Variants in TLN2 observed in about 807,000 individuals in gnomAD.
TLN2 encodes the protein talin-2.
A neutral mutation model predicts 294.7 loss-of-function variants in TLN2; 118 were observed. That is an observed-to-expected ratio of 0.40 (90% confidence interval 0.34 to 0.47). The LOEUF (loss-of-function observed/expected upper bound fraction) is 0.47. Ranked by LOEUF, TLN2 falls within the 20% of genes least tolerant of loss-of-function variation. TLN2 has a pLI of 0.84. For synonymous variants in TLN2, 1,431 were observed against 1,304.5 expected, an observed-to-expected ratio of 1.10 and a Z score of -2.09; for missense variants, 3,083 against 3,282.2, an observed-to-expected ratio of 0.94 and a Z score of 1.48.
chr15:62,513,241 T>TTTGCTGTGCTTTTCCTTTGC (rs2040021317), intron 1 of TLN2, among the ~76,000 whole-genome samples: 1 of 152,186 alleles, frequency 6.6e-6, no homozygotes, highest in Non-Finnish European at 1.5e-5. Context: ...TTGCAGGCCC[T>TTTGCTGTGCTTTTCCTTTGC]TTGCTGTGCT....
At chr15:62,748,037 G>A (rs1050515658) in intron 32 of TLN2, among the ~76,000 whole-genome samples, 5 of 151,982 alleles carry the variant, frequency 3.3e-5, no homozygotes, top group African/African-American at 1.2e-4. Flanking sequence ...ACACACTGGT[G>A]TAACTTTTAC....
intron 54 of TLN2, among the ~76,000 whole-genome samples, chr15:62,825,305 G>A (rs1005202005): frequency 2.0e-4 from 31 of 152,110 alleles, no homozygotes; most frequent in Admixed American, 1.6e-3. Flanking sequence ...AAGTTATTAC[G>A]AACAAAGAAA....
chr15:62,649,939 C>T (rs2052396485), intron 4 of TLN2, 145 bp from the exon 5 acceptor site: 1 of 736,558 alleles, frequency 1.4e-6, no homozygotes, highest in Non-Finnish European at 2.3e-6. Context: ...GCCCTGATGG[C>T]TGCTTGTGTT....
intron 1 of TLN2, among the ~76,000 whole-genome samples, chr15:62,562,039 C>T (rs953022537): frequency 6.6e-6 from 1 of 152,112 alleles, no homozygotes; most frequent in Non-Finnish European, 1.5e-5. Flanking sequence ...CTTATAAGCT[C>T]CTCGAAGTCT....
At chr15:62,668,582 G>T (rs989923090) in intron 9 of TLN2, among the ~76,000 whole-genome samples, 5 of 152,188 alleles carry the variant, frequency 3.3e-5, no homozygotes, top group African/African-American at 4.8e-5. Flanking sequence ...GATGTTGTTT[G>T]CCTACAGGGT....
chr15:62,546,846 C>T (rs923502641), intron 1 of TLN2, among the ~76,000 whole-genome samples: 2 of 152,190 alleles, frequency 1.3e-5, no homozygotes, highest in African/African-American at 4.8e-5. Context: ...GAACAAATCT[C>T]CTGGTAGTAA....
rs187756985 is a variant in TLN2, at chr15:62,707,658, T to A, written c.2172+405T>A. ...AGGGTCCGAGTGGGGATTTTAATTG[T>A]TGCCAGGGTATACACACTCAGTGTG... On this transcript the variant is annotated intron_variant, in intron 20 of 58. Coordinates refer to ENST00000636159, the MANE Select transcript of TLN2 (RefSeq NM_015059.3). 3.3e-5 allele frequency among the ~76,000 whole-genome samples: 5 copies of A among 152,316 alleles called. No individual in the cohort carries two copies. The East Asian group carries it at 9.6e-4, about 29-fold the overall frequency.
rs893971118 is a variant in TLN2, at chr15:62,840,441, A to G, written c.7501-41A>G. The G allele has an allele frequency of 5.0e-6, 8 of 1,610,142 alleles. No homozygotes were observed. The Admixed American group carries it at 5.0e-5, about 10-fold the overall frequency. On this transcript the variant is annotated intron_variant, in intron 58 of 58. Transcript: ENST00000636159. ...AGTGGGGTGGGTCGGAGGGTTTTCT[A>G]CAAAGTGTTAGGTCCATCCAGCTTG...
At chr15:62,829,040 T>C (rs2068495273) in intron 54 of TLN2, 1 of 152,108 alleles carries the variant, frequency 6.6e-6, no homozygotes, top group South Asian at 2.1e-4. Flanking sequence ...TCTGCATCTT[T>C]AACCAGATCC....
At chr15:62,829,231 C>T (rs918242829) in intron 54 of TLN2, 3 of 150,928 alleles carry the variant, frequency 2.0e-5, no homozygotes, top group Non-Finnish European at 4.4e-5. Flanking sequence ...CTTGTTCTCA[C>T]ACAACTAATA....
chr15:62,839,273 C>T (rs761500304), intron 58 of TLN2, among the ~76,000 whole-genome samples: 3 of 152,218 alleles, frequency 2.0e-5, no homozygotes, highest in African/African-American at 7.2e-5. Flanking sequence ...GCAGGCATTA[C>T]GTCCTCTCAC....
chr15:62,696,186 C>T (rs1480638033), intron 14 of TLN2, among the ~76,000 whole-genome samples: 1 of 152,170 alleles, frequency 6.6e-6, no homozygotes, highest in African/African-American at 2.4e-5. Flanking sequence ...GCGTGGCTAT[C>T]GAGCCTTGCT....
chr15:62,481,111 ATTCTC>A (rs1567014369), intron 1 of TLN2, among the ~76,000 whole-genome samples: 1 of 152,008 alleles, frequency 6.6e-6, no homozygotes, highest in East Asian at 1.9e-4. Flanking sequence ...TCTAATCACA[ATTCTC>A]TTCCTCATTG....
At chr15:62,647,956 C>A (rs139684603) in intron 4 of TLN2, among the ~76,000 whole-genome samples, 1 of 152,120 alleles carries the variant, frequency 6.6e-6, no homozygotes, top group Non-Finnish European at 1.5e-5. Context: ...CACTCATCCC[C>A]GTTAATCTGA....
At position 62,549,659 on chromosome 15, in the gene TLN2, T is replaced by A. The variant is rs72753895; in HGVS notation, c.-237-40028T>A. 5.4e-3 allele frequency among the ~76,000 whole-genome samples: 816 copies of A among 152,358 alleles called. 2 individuals are homozygous for A. The highest frequency in any genetic ancestry group is 9.3e-3 in the Non-Finnish European group (633 of 68,034). ...TACAATTTTGAATTTATGTGGTATA[T>A]ACTGTATGTAGTGTGCTGTGGAAGT... On this transcript the variant is annotated intron_variant, in intron 1 of 58. Transcript: ENST00000636159.
At chr15:62,624,725 G>T (rs1342072881) in intron 3 of TLN2, among the ~76,000 whole-genome samples, 1 of 152,220 alleles carries the variant, frequency 6.6e-6, no homozygotes, top group Non-Finnish European at 1.5e-5. Context: ...GGGTGTGGGG[G>T]TGTCTGCATG....
At chr15:62,768,820 A>G (rs545296982) in intron 41 of TLN2, among the ~76,000 whole-genome samples, 1 of 152,332 alleles carries the variant, frequency 6.6e-6, no homozygotes, top group Middle Eastern at 3.4e-3. Context: ...AGTACTTCCT[A>G]TTTGGCGGTT....
chr15:62,826,070 C>G (rs1030036236), intron 54 of TLN2, among the ~76,000 whole-genome samples: 2 of 150,554 alleles, frequency 1.3e-5, no homozygotes, highest in East Asian at 4.0e-4. Flanking sequence ...AGACTCCCCT[C>G]CAGGGTAGAC....
chr15:62,409,461 A>T (rs924656408), intron 1 of TLN2, among the ~76,000 whole-genome samples: 1 of 152,144 alleles, frequency 6.6e-6, no homozygotes, highest in African/African-American at 2.4e-5. Context: ...TGCAACAGAG[A>T]TGTAATCTTA....
Sources: gnomAD v4.1 joint callset for allele counts (sites outside exome capture counted in the v4.1 genomes callset) on GRCh38, gnomAD v4.1.1 for gene constraint, MANE v1.5 for transcripts, NCBI Gene and HGNC (gene_info 2026-07-23, HGNC 2026-07-21) for gene names.